BPIFB6: variants seen among roughly 807,000 people sequenced by gnomAD.
The protein encoded by BPIFB6 is BPI fold-containing family B member 6.
Under a neutral mutation model 54.7 loss-of-function variants are expected in BPIFB6, and 47 were observed. The observed-to-expected ratio is 0.86, with a 90% confidence interval of 0.68 to 1.10. BPIFB6 has a LOEUF of 1.10. Ranked by LOEUF, BPIFB6 falls within the 50% of genes least tolerant of loss-of-function variation. The pLI is 0.00. For synonymous variants in BPIFB6, 255 were observed against 225.9 expected (o/e 1.13, Z -1.16); for missense variants, 603 against 564.1 (o/e 1.07, Z -0.70).
At position 33,039,542 on chromosome 20, in the gene BPIFB6, C is replaced by T. The variant is rs144493645; in HGVS notation, c.1074+22C>T. The T allele has an allele frequency of 9.1e-3, 14,476 of 1,585,168 alleles. 154 individuals carry two copies. The highest frequency in any genetic ancestry group is 0.049 in the Middle Eastern group (249 of 5,070). On this transcript the variant is annotated intron_variant, in intron 10 of 14. Coordinates refer to ENST00000349552, the MANE Select transcript of BPIFB6 (RefSeq NM_174897.2). ...AGTGGTGAGGGAAATCGTTCCCTTC[C>T]CCATTTATTCCCAATCTCTTGGATA...
At chr20:33,039,082 A>G in intron 9 of BPIFB6, 120 bp downstream of exon 9, 1 of 1,218,270 alleles carries the variant, frequency 8.2e-7, no homozygotes, top group Non-Finnish European at 1.2e-6. Flanking sequence ...TCCAATGCTG[A>G]AACATCTTTT....
At position 33,043,375 on chromosome 20, in the gene BPIFB6, G is replaced by T; in HGVS notation, c.1329+8G>T. The T allele has an allele frequency of 1.2e-6, 2 of 1,613,564 alleles. No homozygotes were observed. The highest frequency in any genetic ancestry group is 1.7e-6 in the Non-Finnish European group (2 of 1,179,486). On this transcript the variant is annotated splice_region_variant and intron_variant, in intron 14 of 14. Transcript: ENST00000349552. ...GAGCTGGACATAGTAGAGGTGAGAG[G>T]AGGGGCTAGGGGAGGTCATGTCAAT...
At chr20:33,038,821 G>C in intron 8 of BPIFB6, 88 bp from the exon 9 acceptor site, 1 of 1,285,536 alleles carries the variant, frequency 7.8e-7, no homozygotes, top group Non-Finnish European at 1.1e-6. Flanking sequence ...GAGCCTCAAA[G>C]GGTACACCTT....
In BPIFB6 at chr20:33,039,532, C is replaced by A. The variant is rs374270182; in HGVS notation, c.1074+12C>A. Reference sequence around the variant, plus strand: ...TTCTCCTAGAAGTGGTGAGGGAAATCGTTCCCTTCCCCATTTATTCCCAAT... The same window carrying A: ...TTCTCCTAGAAGTGGTGAGGGAAATAGTTCCCTTCCCCATTTATTCCCAAT... On this transcript the variant is annotated intron_variant, in intron 10 of 14. Transcript: ENST00000349552. The A allele has an allele frequency of 3.1e-5, 49 of 1,592,494 alleles. No homozygotes were observed. The highest frequency in any genetic ancestry group is 4.0e-5 in the Non-Finnish European group (47 of 1,169,970).
chr20:33,035,899 C>T (rs1446363435), intron 6 of BPIFB6, among the ~76,000 whole-genome samples: 1 of 152,142 alleles, frequency 6.6e-6, no homozygotes, highest in Non-Finnish European at 1.5e-5. Flanking sequence ...GCATCCTGAA[C>T]CCCACAAGAC....
chr20:33,035,581 C>T, intron 5 of BPIFB6, 31 bp from the exon 6 acceptor site: 2 of 1,612,006 alleles, frequency 1.2e-6, no homozygotes, highest in Admixed American at 1.7e-5. Context: ...ATGCAGGGAC[C>T]CTCTCAGCCC....
chr20:33,043,981 G>A (rs761857458), intron 14 of BPIFB6, 34 bp from the exon 15 acceptor site: 2 of 1,613,768 alleles, frequency 1.2e-6, no homozygotes, highest in Non-Finnish European at 1.7e-6. Context: ...GTGGTCCCTG[G>A]TCATTGCTCT....
chr20:33,032,954 A>G, intron 1 of BPIFB6, 30 bp from the exon 2 acceptor site: 8 of 1,580,824 alleles, frequency 5.1e-6, no homozygotes, highest in Non-Finnish European at 7.0e-6. Flanking sequence ...GCCCAGGGAA[A>G]ATCTCTCCAA....
chr20:33,036,665 G>A (rs1335478754), intron 7 of BPIFB6, 129 bp downstream of exon 7: 2 of 857,220 alleles, frequency 2.3e-6, no homozygotes, highest in Non-Finnish European at 1.9e-6. Context: ...AGCCGTGGAG[G>A]CCAATGCCAT....
intron 8 of BPIFB6, 129 bp downstream of exon 8, chr20:33,037,867 T>C (rs758150661): frequency 2.9e-6 from 3 of 1,027,808 alleles, no homozygotes; most frequent in South Asian, 1.5e-5. Context: ...CAGGACCGAT[T>C]TGAGTTTCTC....
intron 7 of BPIFB6, 84 bp downstream of exon 7, chr20:33,036,620 C>T: frequency 2.3e-6 from 3 of 1,306,124 alleles, no homozygotes; most frequent in South Asian, 1.2e-5. Context: ...GGACAGGTGG[C>T]TGGACTAGGG....
intron 2 of BPIFB6, 49 bp from the exon 3 acceptor site, chr20:33,034,137 G>T (rs1447736585): frequency 1.5e-6 from 2 of 1,373,700 alleles, no homozygotes; most frequent in Non-Finnish European, 2.1e-6. Flanking sequence ...GGAGGTCCTG[G>T]GTCTTGCCTG....
chr20:33,040,289 C>T lies in BPIFB6; in HGVS notation c.1113C>T (p.Asn371=). Residue 371 remains asparagine, a synonymous_variant, in exon 11 of 15, where the codon AAC becomes AAT. Transcript: ENST00000349552. ...AGGTCCAGTACTCAGTGCATGAGAA[C>T]CAGCTGCAGATGGCCACTTCTTTGG... The part of the protein sequence containing the change: ...NLKVQYSVHE[N]QLQMATSLDR... 1.2e-6 allele frequency: 2 copies of T among 1,614,176 alleles called. No homozygotes were observed. The highest frequency in any genetic ancestry group is 1.7e-6 in the Non-Finnish European group (2 of 1,180,022).
chr20:33,043,821 C>T (rs1224171980), intron 14 of BPIFB6, among the ~76,000 whole-genome samples, 194 bp from the exon 15 acceptor site: 1 of 152,122 alleles, frequency 6.6e-6, no homozygotes, highest in East Asian at 1.9e-4. Flanking sequence ...GGTGCTTGTC[C>T]TCACTTAACA....
chr20:33,043,570 C>A (rs1016798695), intron 14 of BPIFB6, among the ~76,000 whole-genome samples: 4 of 152,214 alleles, frequency 2.6e-5, no homozygotes, highest in Non-Finnish European at 5.9e-5. Flanking sequence ...ACTCTCTTCT[C>A]CTGCCATCTT....
rs1176269158 is a variant in BPIFB6, at chr20:33,038,894, A to T, written c.847-15A>T. 1.2e-6 allele frequency: 2 copies of T among 1,613,910 alleles called. No individual in the cohort carries two copies. The highest frequency in any genetic ancestry group is 2.2e-5 in the South Asian group (2 of 91,050). ...GAGGACTCCAGCAACCCTAACCTTG[A>T]CTTTTATTCTGTAGATTGGTGAGCT... On this transcript the variant is annotated splice_polypyrimidine_tract_variant and intron_variant, in intron 8 of 14. Coordinates refer to ENST00000349552, the MANE Select transcript of BPIFB6 (RefSeq NM_174897.2).
In BPIFB6 at chr20:33,041,979, C is replaced by A; in HGVS notation, c.1152C>A (p.Ser384Arg). 6.2e-7 allele frequency: 1 copy of A among 1,614,142 alleles called. No homozygotes were observed. The change falls in exon 12 of 15, where the codon AGC becomes AGA. Residue 384 changes from serine to arginine, a missense_variant. Physicochemically the swap from Ser to Arg is moderately radical, Grantham distance 110. Coordinates refer to ENST00000349552, the MANE Select transcript of BPIFB6 (RefSeq NM_174897.2). ...CCCCACTCCCCCACAGATTACTGAG[C>A]TTGTCCCGGAAGTCCTCATCGATTG... The part of the protein sequence containing the change: ...QMATSLDRLL[S>R]LSRKSSSIGN...
chr20:33,042,540 G>T (rs185854622), intron 12 of BPIFB6, among the ~76,000 whole-genome samples: 32 of 152,334 alleles, frequency 2.1e-4, no homozygotes, highest in African/African-American at 7.2e-4. Context: ...CAGGACTGGG[G>T]TCCACAGAGC....
At chr20:33,042,757 T>A in intron 12 of BPIFB6, 58 bp from the exon 13 acceptor site, 1 of 1,504,074 alleles carries the variant, frequency 6.6e-7, no homozygotes, top group Non-Finnish European at 9.2e-7. Context: ...GCTGAAAAGA[T>A]CTGTTGAATG....
Sources: gnomAD v4.1 joint callset for allele counts (sites outside exome capture counted in the v4.1 genomes callset) on GRCh38, gnomAD v4.1.1 for gene constraint, MANE v1.5 for transcripts, NCBI Gene and HGNC (gene_info 2026-07-23, HGNC 2026-07-21) for gene names.